The following FREM1 variants were observed in gnomAD, a reference collection of about 807,000 sequenced individuals.
FREM1 encodes FRAS1-related extracellular matrix protein 1.
In FREM1, 220 loss-of-function variants were observed where a neutral mutation model predicts 210.1. The observed-to-expected ratio is 1.05, with a 90% CI of 0.94 to 1.17. The LOEUF is 1.17. Ranked by LOEUF, FREM1 falls within the 50% of genes most tolerant of loss-of-function variation. The probability of loss-of-function intolerance (pLI) is 0.00; values close to 1 mark genes in which losing one functional copy is unlikely to be tolerated. For synonymous variants in FREM1, 1,189 were observed against 980.2 expected, an observed-to-expected ratio of 1.21 and a Z score of -3.98; for missense variants, 3,454 against 2,675.5, an observed-to-expected ratio of 1.29 and a Z score of -6.42.
chr9:14,762,221 G>C (rs144184365), intron 27 of FREM1, among the ~76,000 whole-genome samples: 215 of 152,322 alleles, frequency 1.4e-3, no homozygotes, highest in Non-Finnish European at 2.4e-3. Flanking sequence ...GATGGATTAG[G>C]GGAAAAGAGA....
intron 28 of FREM1, among the ~76,000 whole-genome samples, chr9:14,757,661 A>G (rs1320025672): frequency 6.6e-6 from 1 of 152,214 alleles, no homozygotes; most frequent in East Asian, 1.9e-4. Flanking sequence ...GATGTTTAAG[A>G]TGGTCAGGAA....
intron 1 of FREM1, among the ~76,000 whole-genome samples, chr9:14,901,585 A>C (rs1403228759): frequency 6.6e-6 from 1 of 152,168 alleles, no homozygotes; most frequent in Non-Finnish European, 1.5e-5. Context: ...AAAAAATAAA[A>C]TGGATTTTTT....
intron 3 of FREM1, 58 bp from the exon 4 acceptor site, chr9:14,859,542 C>G: frequency 2.1e-6 from 3 of 1,407,168 alleles, no homozygotes; most frequent in Non-Finnish European, 2.9e-6. Flanking sequence ...TTCTGATACC[C>G]ATGTACTCAG....
intron 19 of FREM1, among the ~76,000 whole-genome samples, chr9:14,803,056 T>C (rs150385907): frequency 0.033 from 4,317 of 130,042 alleles, 83 homozygotes; most frequent in Non-Finnish European, 0.039. Flanking sequence ...TTCTCTTTCT[T>C]TTTCTTTTCT....
chr9:14,866,024 G>A (rs1263156025), intron 2 of FREM1, among the ~76,000 whole-genome samples: 1 of 152,124 alleles, frequency 6.6e-6, no homozygotes, highest in Non-Finnish European at 1.5e-5. Context: ...CGACTTTAGA[G>A]GCTATAAATC....
intron 1 of FREM1, among the ~76,000 whole-genome samples, chr9:14,877,236 T>C (rs1833932807): frequency 6.6e-6 from 1 of 151,928 alleles, no homozygotes; most frequent in Non-Finnish European, 1.5e-5. Context: ...CTGGACCCTC[T>C]TGCTTAACTC....
intron 1 of FREM1, among the ~76,000 whole-genome samples, chr9:14,908,923 A>T (rs1183601216): frequency 6.6e-6 from 1 of 152,190 alleles, no homozygotes; most frequent in Admixed American, 6.5e-5. Context: ...AGTTTCCTAG[A>T]GCTGCACTGA....
chr9:14,799,844 T>C (rs1275635493), intron 20 of FREM1, among the ~76,000 whole-genome samples: 1 of 151,992 alleles, frequency 6.6e-6, no homozygotes, highest in Non-Finnish European at 1.5e-5. Context: ...ATGTGCACAA[T>C]GTGCAGGTTA....
At position 14,815,884 on chromosome 9, in the gene FREM1, G is replaced by A. The variant is rs115551874; in HGVS notation, c.2640+894C>T. 8.7e-4 allele frequency among the ~76,000 whole-genome samples: 132 copies of A among 152,280 alleles called. 1 individual carries two copies. Among genetic ancestry groups the A allele is most frequent in the African/African-American group, 2.9e-3 (121 of 41,548 alleles). On this transcript the variant is annotated intron_variant, in intron 15 of 36. Coordinates refer to ENST00000380880, the MANE Select transcript of FREM1 (RefSeq NM_001379081.2). ...GGTGGTCTTGAAATCCTGACCTCAAGTGATCAGCCTGCTTTGGCATCCCAA... is the reference window on the plus strand; with the variant it reads ...GGTGGTCTTGAAATCCTGACCTCAAATGATCAGCCTGCTTTGGCATCCCAA...
rs1298398260 is a variant in FREM1, at chr9:14,842,434, G to T, written c.1620C>A (p.Ile540=). Residue 540 remains isoleucine, a synonymous_variant, in exon 9 of 37, where the codon ATC becomes ATA. Coordinates refer to ENST00000380880, the MANE Select transcript of FREM1 (RefSeq NM_001379081.2). ...IELEEGQTIL[I]QGSMLRASDV... ...CTGAAGCTCGCAGCATGGATCCCTG[G>T]ATCAGGATGGTCTGCCCCTCCTCCA... The T allele has an allele frequency of 6.2e-7, 1 of 1,613,898 alleles. No individual in the cohort carries two copies. The highest frequency in any genetic ancestry group is 8.5e-7 in the Non-Finnish European group (1 of 1,179,790).
intron 28 of FREM1, among the ~76,000 whole-genome samples, chr9:14,757,506 G>C (rs1037437640): frequency 2.0e-5 from 3 of 152,214 alleles, no homozygotes; most frequent in African/African-American, 7.2e-5. Context: ...AGTGAGCCGA[G>C]ATGGTGCCAT....
intron 35 of FREM1, among the ~76,000 whole-genome samples, chr9:14,740,688 C>T (rs927151380): frequency 2.0e-5 from 3 of 152,128 alleles, no homozygotes; most frequent in African/African-American, 7.2e-5. Flanking sequence ...AAATTTGGAG[C>T]TTAGTGGGTT....
chr9:14,760,650 A>C (rs931953994), intron 27 of FREM1, among the ~76,000 whole-genome samples: 8 of 152,150 alleles, frequency 5.3e-5, no homozygotes, highest in African/African-American at 1.9e-4. Context: ...AGCTTCAGAG[A>C]GGTTAAGTAA....
intron 7 of FREM1, among the ~76,000 whole-genome samples, chr9:14,848,398 T>C (rs945217680): frequency 3.9e-5 from 6 of 152,180 alleles, no homozygotes; most frequent in African/African-American, 9.7e-5. Context: ...TTTTGCTTCA[T>C]TCAGTTGAAA....
At chr9:14,843,757 T>C (rs943273434) in intron 8 of FREM1, among the ~76,000 whole-genome samples, 15 of 118,516 alleles carry the variant, frequency 1.3e-4, no homozygotes, top group Non-Finnish European at 2.1e-4. Context: ...TGGAAAGTTT[T>C]AGAAATGCAA....
chr9:14,862,817 G>GTTGT (rs748656865), intron 3 of FREM1, among the ~76,000 whole-genome samples: 94 of 152,124 alleles, frequency 6.2e-4, no homozygotes, highest in Non-Finnish European at 1.1e-3. Flanking sequence ...TCAGTGCTTC[G>GTTGT]TTGTTTTTTT....
intron 1 of FREM1, among the ~76,000 whole-genome samples, chr9:14,905,810 G>C (rs1412667300): frequency 1.3e-5 from 2 of 152,228 alleles, no homozygotes; most frequent in African/African-American, 4.8e-5. Flanking sequence ...AGAATGGCTT[G>C]AACCAGGGAG....
intron 27 of FREM1, among the ~76,000 whole-genome samples, chr9:14,761,666 T>A (rs924782827): frequency 3.0e-4 from 46 of 152,224 alleles, no homozygotes; most frequent in African/African-American, 1.1e-3. Flanking sequence ...TTAAACATCA[T>A]GCTGTTCTGA....
chr9:14,828,160 G>A (rs558975285), intron 10 of FREM1, among the ~76,000 whole-genome samples: 7 of 152,262 alleles, frequency 4.6e-5, no homozygotes, highest in South Asian at 4.2e-4. Flanking sequence ...GGCACCTGAC[G>A]CCAACCTCTG....
Sources: allele counts gnomAD v4.1 joint callset (sites outside exome capture counted in the v4.1 genomes callset), GRCh38; gene constraint gnomAD v4.1.1; transcripts MANE v1.5; gene names NCBI Gene and HGNC (gene_info 2026-07-23, HGNC 2026-07-21).